The following DCAF5 variants were observed in gnomAD, a reference collection of about 807,000 sequenced individuals.
The protein encoded by DCAF5 is DDB1 and CUL4 associated factor 5.
Under a neutral mutation model 80.7 loss-of-function variants are expected in DCAF5, and 9 were observed. The ratio of observed to expected loss-of-function variants is 0.11; its 90% confidence interval spans 0.07 to 0.19. The LOEUF is 0.19. Among genes scored for constraint, DCAF5 ranks in the 10% least tolerant of loss-of-function variants. The pLI, the probability that DCAF5 is intolerant of heterozygous loss-of-function variation, is 1.00. For synonymous variants in DCAF5, 433 were observed against 461.9 expected (o/e 0.94, Z 0.80); for missense variants, 842 against 1,205.7 (o/e 0.70, Z 4.47).
chr14:69,118,937 CT>C lies in DCAF5; in HGVS notation c.395+256del, dbSNP rs914331166. 6.6e-4 allele frequency among the ~76,000 whole-genome samples: 101 copies of C among 152,310 alleles called. 1 individual carries two copies. Among genetic ancestry groups the C allele is most frequent in the African/African-American group, 2.3e-3 (95 of 41,572 alleles). On this transcript the variant is annotated intron_variant, in intron 3 of 8. Coordinates refer to ENST00000341516, the MANE Select transcript of DCAF5 (RefSeq NM_003861.3). This position sits in a 1 kb window ranked among gnomAD's most constrained non-coding sequence, Gnocchi z 4.0. ...GTTCTTAAATATTATGGTTCCTTCT[CT>C]TCTAAACTCTTGTTTTAAATTTTCA...
chr14:69,137,395 T>G (rs2140105600), intron 1 of DCAF5, among the ~76,000 whole-genome samples: 1 of 152,338 alleles, frequency 6.6e-6, no homozygotes, highest in South Asian at 2.1e-4. Flanking sequence ...CTCTCCTGAT[T>G]ATATCACAAA....
intron 1 of DCAF5, among the ~76,000 whole-genome samples, chr14:69,145,339 C>T (rs1402214292): frequency 1.3e-5 from 2 of 152,090 alleles, no homozygotes; most frequent in African/African-American, 2.4e-5. Flanking sequence ...AAAAATTTAA[C>T]CTCACCTTAA....
chr14:69,061,435 C>T (rs1357746403), intron 8 of DCAF5, among the ~76,000 whole-genome samples: 1 of 152,168 alleles, frequency 6.6e-6, no homozygotes, highest in Non-Finnish European at 1.5e-5. Context: ...AACTGGAATA[C>T]AAGTGATGGG....
At chr14:69,137,949 A>G (rs751970272) in intron 1 of DCAF5, among the ~76,000 whole-genome samples, 1 of 152,232 alleles carries the variant, frequency 6.6e-6, no homozygotes, top group African/African-American at 2.4e-5. Context: ...CATAGTATAC[A>G]TAGGGTTCAG....
At chr14:69,113,693 G>A (rs2040446889) in intron 5 of DCAF5, among the ~76,000 whole-genome samples, 1 of 152,120 alleles carries the variant, frequency 6.6e-6, no homozygotes, top group South Asian at 2.1e-4. Context: ...AAAGAAAAAG[G>A]GTGGTCTCTT....
At chr14:69,084,854 G>A in intron 6 of DCAF5, 1 of 1,145,348 alleles carries the variant, frequency 8.7e-7, no homozygotes, top group Non-Finnish European at 1.3e-6. Context: ...GGACATTACT[G>A]AAGTCAACTG....
chr14:69,095,457 C>T (rs192362161), intron 5 of DCAF5, among the ~76,000 whole-genome samples: 5 of 152,184 alleles, frequency 3.3e-5, no homozygotes, highest in East Asian at 1.9e-4. Flanking sequence ...AGACCTAGGG[C>T]GAAAAGCAAG....
intron 1 of DCAF5, among the ~76,000 whole-genome samples, chr14:69,128,870 T>G (rs1474373920): frequency 6.6e-6 from 1 of 151,740 alleles, no homozygotes; most frequent in Non-Finnish European, 1.5e-5. Flanking sequence ...GTAATCCCAG[T>G]ACTTTGAAAG....
At chr14:69,107,107 C>T (rs1301402897) in intron 5 of DCAF5, among the ~76,000 whole-genome samples, 1 of 152,076 alleles carries the variant, frequency 6.6e-6, no homozygotes, top group African/African-American at 2.4e-5. Context: ...TTGATATTAT[C>T]TACTTCTGAA....
chr14:69,084,220 C>G, intron 6 of DCAF5: 2 of 1,010,874 alleles, frequency 2.0e-6, no homozygotes, highest in Non-Finnish European at 3.2e-6. Flanking sequence ...ACGTGCATAC[C>G]TATGGGTTGA....
chr14:69,084,663 T>C lies in DCAF5; in HGVS notation c.879+7011A>G, dbSNP rs2039249249. 9 of 1,149,058 alleles carry C rather than the reference T, an allele frequency of 7.8e-6. No individual in the cohort carries two copies. The South Asian group carries it at 1.2e-4, about 15-fold the overall frequency. The allele number at this position is 1,149,058 out of a possible 1,614,324, so 71.2% of individuals were successfully genotyped here. The stretch of plus-strand genomic sequence containing the variant: ...AAGAAGAACCAAAAAAAGAAGCTTA[T>C]GGCCTTCTTTTCATCTTGTATGTCC... On this transcript the variant is annotated intron_variant, in intron 6 of 8. Coordinates refer to ENST00000341516, the MANE Select transcript of DCAF5 (RefSeq NM_003861.3).
Position 69,054,535 on chromosome 14 carries a change from G to A in DCAF5, c.2151C>T (p.Ala717=). 2 of 1,614,128 alleles carry A rather than the reference G, an allele frequency of 1.2e-6. No individual in the cohort carries two copies. Among genetic ancestry groups the A allele is most frequent in the Non-Finnish European group, 1.7e-6 (2 of 1,180,012 alleles). The change falls in exon 9 of 9, where the codon GCC becomes GCT. Residue 717 remains alanine (A), a synonymous_variant. Coordinates refer to ENST00000341516, the MANE Select transcript of DCAF5 (RefSeq NM_003861.3). The part of the protein sequence containing the change: ...SKEACLNIAM[A]QRNQDLPPEG... Reference sequence around the variant, plus strand: ...CAGGTGGCAGGTCCTGGTTCCTCTGGGCCATTGCTATGTTTAGACAGGCTT... The same window carrying A: ...CAGGTGGCAGGTCCTGGTTCCTCTGAGCCATTGCTATGTTTAGACAGGCTT...
At chr14:69,139,140 A>T (rs1167303205) in intron 1 of DCAF5, among the ~76,000 whole-genome samples, 1 of 151,874 alleles carries the variant, frequency 6.6e-6, no homozygotes. Flanking sequence ...AACAGAGTAT[A>T]ATCCTGTCTC....
chr14:69,090,163 A>G (rs1417236630), intron 6 of DCAF5: 1 of 956,694 alleles, frequency 1.0e-6, no homozygotes, highest in African/African-American at 1.8e-5. Flanking sequence ...GAAATCAACA[A>G]AAGCAAAGAA....
chr14:69,082,440 T>C (rs1445834136), intron 6 of DCAF5, among the ~76,000 whole-genome samples: 1 of 142,952 alleles, frequency 7.0e-6, no homozygotes, highest in Non-Finnish European at 1.5e-5. Context: ...AACCAACCTT[T>C]ATGGGTTCTG....
chr14:69,084,127 T>C (rs1226286466), intron 6 of DCAF5: 2 of 837,908 alleles, frequency 2.4e-6, no homozygotes, highest in South Asian at 1.3e-5. Flanking sequence ...TGCCCAGGAA[T>C]GGAACAGGGG....
At chr14:69,114,866 G>A (rs988695990) in intron 5 of DCAF5, among the ~76,000 whole-genome samples, 18 of 152,082 alleles carry the variant, frequency 1.2e-4, no homozygotes, top group Non-Finnish European at 2.1e-4. Context: ...GAATGGGAGA[G>A]AATTGGGAGA....
At chr14:69,146,715 A>C (rs950403487) in intron 1 of DCAF5, among the ~76,000 whole-genome samples, 2 of 152,262 alleles carry the variant, frequency 1.3e-5, no homozygotes, top group African/African-American at 4.8e-5. Flanking sequence ...CCCTGTTCTC[A>C]TAGCTCCTGT....
chr14:69,085,279 C>T (rs760886238), intron 6 of DCAF5: 24 of 715,064 alleles, frequency 3.4e-5, no homozygotes, highest in African/African-American at 1.2e-4. Flanking sequence ...GCAGAAAAAG[C>T]GAGTAGGCAG....
Sources: allele counts gnomAD v4.1 joint callset (sites outside exome capture counted in the v4.1 genomes callset), GRCh38; gene constraint gnomAD v4.1.1; non-coding constraint Gnocchi (gnomAD v3.1); transcripts MANE v1.5; gene names NCBI Gene and HGNC (gene_info 2026-07-23, HGNC 2026-07-21).